The following UGT1A7 variants were observed in gnomAD, a reference collection of about 807,000 sequenced individuals.
UGT1A7 encodes UDP glucuronosyltransferase family 1 member A7, also known as UDP-glucuronosyltransferase 1A7.
Under a neutral mutation model 45.6 loss-of-function variants are expected in UGT1A7, and 33 were observed. That is an observed-to-expected ratio of 0.72 (90% CI 0.55 to 0.97). The LOEUF (loss-of-function observed/expected upper bound fraction) is 0.97. Among genes scored for constraint, UGT1A7 ranks in the 50% least tolerant of loss-of-function variants. UGT1A7 has a pLI of 0.00. For missense variants in UGT1A7, 684 were observed against 666.2 expected (o/e 1.03, Z -0.29); for synonymous variants, 274 against 250.6 (o/e 1.09, Z -0.88).
At chr2:233,755,424 C>G (rs976220166) in intron 1 of UGT1A7, 2 of 319,210 alleles carry the variant, frequency 6.3e-6, no homozygotes, top group Non-Finnish European at 1.2e-5. Flanking sequence ...GTGAGCGCCT[C>G]GCATCCCAAG....
At chr2:233,760,288 A>T (rs1697385056) in intron 1 of UGT1A7, 1 of 1,613,272 alleles carries the variant, frequency 6.2e-7, no homozygotes, top group East Asian at 2.2e-5. Flanking sequence ...CAAAGGCGCC[A>T]TGGCTGTGGA....
At chr2:233,747,507 C>G in intron 1 of UGT1A7, 1 of 1,608,136 alleles carries the variant, frequency 6.2e-7, no homozygotes. Flanking sequence ...CCACACTCAA[C>G]TGTACTTTGA....
intron 1 of UGT1A7, among the ~76,000 whole-genome samples, chr2:233,725,356 T>C (rs148228009): frequency 7.0e-6 from 1 of 143,138 alleles, no homozygotes; most frequent in East Asian, 2.0e-4. Context: ...GAATGTTTCT[T>C]ATGAAGACAC....
rs187768174 is a variant in UGT1A7, at chr2:233,743,103, C to T, written c.856-23931C>T. 4.1e-3 allele frequency: 1,437 copies of T among 353,348 alleles called. 18 individuals carry two copies. Among genetic ancestry groups the T allele is most frequent in the South Asian group, 0.019 (861 of 45,444 alleles). 21.9% of individuals were successfully genotyped at this position (353,348 alleles called of 1,614,324 possible). A position where few individuals can be genotyped will look rare whatever the true frequency, so the allele number is the denominator to read the frequency against. ...AGTGTTTATAAATTCTTGGGTACAG[C>T]TGTTCTGAAAGTAAAGTTCACTTTC... On this transcript the variant is annotated intron_variant, in intron 1 of 4. Transcript: ENST00000373426.
chr2:233,693,588 G>T, intron 1 of UGT1A7: 1 of 1,614,206 alleles, frequency 6.2e-7, no homozygotes, highest in Non-Finnish European at 8.5e-7. Context: ...ATTCCCAGGT[G>T]CTACACAAAG....
chr2:233,698,180 T>C (rs973918936), intron 1 of UGT1A7, among the ~76,000 whole-genome samples: 1 of 152,196 alleles, frequency 6.6e-6, no homozygotes, highest in Non-Finnish European at 1.5e-5. Context: ...TTCTGTATTA[T>C]GATATGTAAT....
chr2:233,743,264 C>T, intron 1 of UGT1A7: 1 of 454,126 alleles, frequency 2.2e-6, no homozygotes, highest in South Asian at 1.7e-5. Context: ...CCATCTTCCT[C>T]CACTTCCACC....
intron 1 of UGT1A7, chr2:233,754,798 C>T (rs781516183): frequency 6.4e-6 from 8 of 1,247,628 alleles, no homozygotes; most frequent in African/African-American, 6.1e-5. Context: ...AATCCTGTAT[C>T]AAAAGAAGAA....
chr2:233,711,528 C>G (rs192551703), intron 1 of UGT1A7, among the ~76,000 whole-genome samples: 1 of 152,340 alleles, frequency 6.6e-6, no homozygotes, highest in East Asian at 1.9e-4. Flanking sequence ...CCTCACAACT[C>G]CCCGGGAATC....
chr2:233,739,695 T>C (rs1691176781), intron 1 of UGT1A7, among the ~76,000 whole-genome samples: 1 of 152,230 alleles, frequency 6.6e-6, no homozygotes, highest in African/African-American at 2.4e-5. Flanking sequence ...TTTTTGATTT[T>C]ACAGGCTCAT....
chr2:233,734,671 A>T (rs1355511130), intron 1 of UGT1A7, among the ~76,000 whole-genome samples: 2 of 152,154 alleles, frequency 1.3e-5, no homozygotes, highest in African/African-American at 4.8e-5. Context: ...ATTTCCCTCT[A>T]CACACTGATT....
chr2:233,730,202 A>G (rs1380136603), intron 1 of UGT1A7, among the ~76,000 whole-genome samples: 2 of 152,160 alleles, frequency 1.3e-5, no homozygotes, highest in African/African-American at 4.8e-5. Context: ...GAGGAAGAGG[A>G]AGTAGACACG....
intron 1 of UGT1A7, among the ~76,000 whole-genome samples, chr2:233,684,502 T>C (rs2125529215): frequency 6.6e-6 from 1 of 152,288 alleles, no homozygotes; most frequent in East Asian, 1.9e-4. Flanking sequence ...CAAAGGGATT[T>C]AGAGATGTAG....
chr2:233,718,712 A>G (rs2076677466), intron 1 of UGT1A7: 1 of 1,607,000 alleles, frequency 6.2e-7, no homozygotes, highest in South Asian at 1.1e-5. Context: ...TCTTCCAATT[A>G]CATGCTGATT....
At chr2:233,754,918 G>A (rs1172980350) in intron 1 of UGT1A7, 1 of 1,353,118 alleles carries the variant, frequency 7.4e-7, no homozygotes. Flanking sequence ...TTCTCCAGCG[G>A]GTTTCCCAAG....
At chr2:233,748,883 A>T (rs1047977403) in intron 1 of UGT1A7, among the ~76,000 whole-genome samples, 3 of 151,568 alleles carry the variant, frequency 2.0e-5, no homozygotes, top group African/African-American at 7.3e-5. Context: ...TGATGAATGG[A>T]CATGTGTCCA....
intron 1 of UGT1A7, among the ~76,000 whole-genome samples, chr2:233,745,359 T>C (rs1693087211): frequency 6.6e-6 from 1 of 151,886 alleles, no homozygotes; most frequent in Admixed American, 6.5e-5. Flanking sequence ...GGGAATTTTT[T>C]TGAGATCTGA....
At chr2:233,747,722 G>GT (rs574078556) in intron 1 of UGT1A7, 82 of 1,612,726 alleles carry the variant, frequency 5.1e-5, no homozygotes, top group Admixed American at 1.2e-4. Flanking sequence ...TTCCTGCTGT[G>GT]TTTTTTTTGA....
rs189908141 is a variant in UGT1A7, at chr2:233,706,521, C to T, written c.855+23729C>T. Among the ~76,000 whole-genome samples, 191 of 152,266 alleles carry T rather than the reference C, an allele frequency of 1.3e-3. 1 individual carries two copies. Among genetic ancestry groups the T allele is most frequent in the African/African-American group, 4.2e-3 (176 of 41,544 alleles). On this transcript the variant is annotated intron_variant, in intron 1 of 4. Coordinates refer to ENST00000373426, the MANE Select transcript of UGT1A7 (RefSeq NM_019077.3). Reference sequence around the variant, plus strand: ...TGGTGTGATGCTGAGGATTTTACAGCGGCTTAGAAACACAGCTTTTTTTCT... The same window carrying T: ...TGGTGTGATGCTGAGGATTTTACAGTGGCTTAGAAACACAGCTTTTTTTCT...
Sources: allele counts gnomAD v4.1 joint callset (sites outside exome capture counted in the v4.1 genomes callset), GRCh38; gene constraint gnomAD v4.1.1; transcripts MANE v1.5; gene names NCBI Gene and HGNC (gene_info 2026-07-23, HGNC 2026-07-21).